Variants in SEPTIN8 observed in about 807,000 individuals in gnomAD.
SEPTIN8 encodes the protein septin 8.
Under a neutral mutation model 53.1 loss-of-function variants are expected in SEPTIN8, and 22 were observed. The observed-to-expected ratio is 0.41, with a 90% CI of 0.30 to 0.59. SEPTIN8 has a LOEUF of 0.59. Among genes scored for constraint, SEPTIN8 ranks in the 20% least tolerant of loss-of-function variants. SEPTIN8 has a pLI of 0.24. For missense variants in SEPTIN8, 536 were observed against 638.7 expected, an observed-to-expected ratio of 0.84 and a Z score of 1.73; for synonymous variants, 228 against 248.4, an observed-to-expected ratio of 0.92 and a Z score of 0.77.
At chr5:132,764,177 G>A (rs1453076143) in intron 3 of SEPTIN8, 47 bp downstream of exon 3, 3 of 1,565,340 alleles carry the variant, frequency 1.9e-6, no homozygotes, top group African/African-American at 1.4e-5. Flanking sequence ...GGCCAATGTA[G>A]GTGGGGTGGG....
At chr5:132,758,778 G>T in intron 9 of SEPTIN8, 1 of 1,614,080 alleles carries the variant, frequency 6.2e-7, no homozygotes, top group South Asian at 1.1e-5. Context: ...CTTAACACAT[G>T]AAAGTCTAAA....
Position 132,764,412 on chromosome 5 carries a change from G to T in SEPTIN8, c.159C>A (p.Thr53=). ...TCATCAGTGTGGATTTGCCAATGCCGGTCTCCCCTGGGCAGTGAGGACAGG... is the reference window on the plus strand; with the variant it reads ...TCATCAGTGTGGATTTGCCAATGCCTGTCTCCCCTGGGCAGTGAGGACAGG... ...FSFNILCVGE[T]GIGKSTLMNT... The change falls in exon 3 of 10, where the codon ACC becomes ACA. Residue 53 remains threonine, a synonymous_variant. Coordinates refer to ENST00000378719, the MANE Select transcript of SEPTIN8 (RefSeq NM_001098811.2). 6.2e-7 allele frequency: 1 copy of T among 1,612,302 alleles called. No homozygotes were observed. Among genetic ancestry groups the T allele is most frequent in the South Asian group, 1.1e-5 (1 of 90,732 alleles).
At position 132,773,189 on chromosome 5, in the gene SEPTIN8, C is replaced by T. The variant is rs1041338076; in HGVS notation, c.30+3919G>A. On this transcript the variant is annotated intron_variant, in intron 1 of 9. Coordinates refer to ENST00000378719, the MANE Select transcript of SEPTIN8 (RefSeq NM_001098811.2). This position sits in a 1 kb window ranked among gnomAD's most constrained non-coding sequence, Gnocchi z 4.2. The stretch of plus-strand genomic sequence containing the variant: ...CAAGGGCATGGAGACCTTGGGAGGG[C>T]GTCTCCTCCCCAGGCAGATGTGTCT... Among the ~76,000 whole-genome samples, 2 of 152,188 alleles carry T rather than the reference C, an allele frequency of 1.3e-5. No homozygotes were observed. Among genetic ancestry groups the T allele is most frequent in the South Asian group, 2.1e-4 (1 of 4,824 alleles).
chr5:132,769,237 C>A (rs1756931758), intron 1 of SEPTIN8, among the ~76,000 whole-genome samples: 1 of 152,194 alleles, frequency 6.6e-6, no homozygotes, highest in East Asian at 1.9e-4. Flanking sequence ...AGCTAGGGAA[C>A]TAACCAGGGC....
At position 132,767,943 on chromosome 5, in the gene SEPTIN8, C is replaced by CCACACACACACACACA. The variant is rs57640097; in HGVS notation, c.31-2430_31-2415dup. Among the ~76,000 whole-genome samples the CCACACACACACACACA allele has an allele frequency of 1.0e-2, 1,277 of 127,946 alleles. 55 individuals carry two copies. Among genetic ancestry groups the CCACACACACACACACA allele is most frequent in the East Asian group, 0.081 (296 of 3,632 alleles). The allele number at this position is 127,946 out of a possible 152,430, so 83.9% of individuals were successfully genotyped here. A position where few individuals can be genotyped will look rare whatever the true frequency, so the allele number is the denominator to read the frequency against. ...CCACCAAGTCAGCTGTGTCTGGAAA[C>CCACACACACACACACA]CACACACACACACACACACACACAC... On this transcript the variant is annotated intron_variant, in intron 1 of 9. Transcript: ENST00000378719.
chr5:132,757,062 A>G (rs1329850063), intron 9 of SEPTIN8: 4 of 985,202 alleles, frequency 4.1e-6, no homozygotes, highest in Non-Finnish European at 4.8e-6. Context: ...CTTTTTAGAT[A>G]CCCTCACTGA....
At chr5:132,757,898 C>T (rs1392759977) in intron 9 of SEPTIN8, 4 of 985,558 alleles carry the variant, frequency 4.1e-6, no homozygotes, top group Non-Finnish European at 4.8e-6. Flanking sequence ...GAAGCAATGA[C>T]TTTGAGGTAA....
Position 132,761,799 on chromosome 5 carries a change from C to A in SEPTIN8, c.793+1G>T. 6.2e-7 allele frequency: 1 copy of A among 1,607,348 alleles called. No homozygotes were observed. The highest frequency in any genetic ancestry group is 8.5e-7 in the Non-Finnish European group (1 of 1,176,880). On this transcript the variant is annotated splice_donor_variant, in intron 6 of 9. Transcript: ENST00000378719. LOFTEE classifies it high-confidence loss of function. The surrounding 1 kb of genome is among the most constrained non-coding windows in gnomAD (Gnocchi z 5.8). ...AGGATGCATTTCCTGTCCACACTCA[C>A]CCTGCACCACTCCCCAGGGGTACTG...
intron 4 of SEPTIN8, among the ~76,000 whole-genome samples, chr5:132,762,985 G>C (rs1561753340): frequency 6.6e-6 from 1 of 152,150 alleles, no homozygotes; most frequent in Non-Finnish European, 1.5e-5. Flanking sequence ...AGGAGTGGTG[G>C]GGGGGCTATG....
Position 132,761,713 on chromosome 5 carries a change from G to A in SEPTIN8, c.793+87C>T. 1.3e-6 allele frequency: 2 copies of A among 1,588,002 alleles called. No homozygotes were observed. Among genetic ancestry groups the A allele is most frequent in the Non-Finnish European group, 1.7e-6 (2 of 1,164,088 alleles). On this transcript the variant is annotated intron_variant, in intron 6 of 9. Coordinates refer to ENST00000378719, the MANE Select transcript of SEPTIN8 (RefSeq NM_001098811.2). The surrounding 1 kb of genome is among the most constrained non-coding windows in gnomAD (Gnocchi z 5.8). Reference sequence around the variant, plus strand: ...GGGTAGGCACGCAGGTGGGCATGAGGAGGAAACAGCACAGGGTACTACAGG... The same window carrying A: ...GGGTAGGCACGCAGGTGGGCATGAGAAGGAAACAGCACAGGGTACTACAGG...
chr5:132,760,765 G>A lies in SEPTIN8; in HGVS notation c.1286+37C>T. The A allele has an allele frequency of 6.3e-7, 1 of 1,588,268 alleles. No individual in the cohort carries two copies. The highest frequency in any genetic ancestry group is 1.1e-5 in the South Asian group (1 of 89,060). ...AGAACGAAAGCAAGAGCCCACAGGA[G>A]CAAGAGGAGCCAGCGCAGGCGCAGC... On this transcript the variant is annotated intron_variant, in intron 9 of 9. Coordinates refer to ENST00000378719, the MANE Select transcript of SEPTIN8 (RefSeq NM_001098811.2). The surrounding 1 kb of genome is among the most constrained non-coding windows in gnomAD (Gnocchi z 5.2).
At chr5:132,762,675 C>T in intron 4 of SEPTIN8, 30 bp from the exon 5 acceptor site, 1 of 1,613,138 alleles carries the variant, frequency 6.2e-7, no homozygotes, top group Non-Finnish European at 8.5e-7. Flanking sequence ...GGACAGCAGG[C>T]TGGTTGGCTC....
At chr5:132,766,326 C>T (rs1046522612) in intron 1 of SEPTIN8, among the ~76,000 whole-genome samples, 1 of 150,050 alleles carries the variant, frequency 6.7e-6, no homozygotes, top group Non-Finnish European at 1.5e-5. Flanking sequence ...CAGAAGGTTC[C>T]GGGTAAGAAT....
Position 132,758,973 on chromosome 5 carries a change from C to T in SEPTIN8, c.1286+1829G>A, listed in dbSNP as rs755684186. The T allele has an allele frequency of 3.7e-6, 3 of 810,320 alleles. No individual in the cohort carries two copies. The Admixed American group carries it at 5.8e-5, about 16-fold the overall frequency. The allele number at this position is 810,320 out of a possible 1,614,324, so 50.2% of individuals were successfully genotyped here. On this transcript the variant is annotated intron_variant, in intron 9 of 9. Coordinates refer to ENST00000378719, the MANE Select transcript of SEPTIN8 (RefSeq NM_001098811.2). Reference sequence around the variant, plus strand: ...GTGACGAGCAAAGCAGAGAATTCACCTCAGTTTGTGGTGTCCCAGGCTAAG... The same window carrying T: ...GTGACGAGCAAAGCAGAGAATTCACTTCAGTTTGTGGTGTCCCAGGCTAAG...
At position 132,761,386 on chromosome 5, in the gene SEPTIN8, A is replaced by G. The variant is rs968715969; in HGVS notation, c.962+72T>C. 1.9e-6 allele frequency: 3 copies of G among 1,585,998 alleles called. No individual in the cohort carries two copies. Among genetic ancestry groups the G allele is most frequent in the Non-Finnish European group, 1.7e-6 (2 of 1,168,518 alleles). ...GGGGTAAGAGGATGTGGGGTCCCTC[A>G]GGGAACAGATGCCAGGGTGGTGTGT... On this transcript the variant is annotated intron_variant, in intron 7 of 9. Transcript: ENST00000378719. The surrounding 1 kb of genome is among the most constrained non-coding windows in gnomAD (Gnocchi z 5.8).
chr5:132,774,630 T>C (rs574675238), intron 1 of SEPTIN8, among the ~76,000 whole-genome samples: 94 of 152,298 alleles, frequency 6.2e-4, no homozygotes, highest in Middle Eastern at 3.4e-3. Flanking sequence ...CACCATGCTA[T>C]GTGAGGACAC....
At chr5:132,766,765 G>A (rs1356392110) in intron 1 of SEPTIN8, among the ~76,000 whole-genome samples, 3 of 151,204 alleles carry the variant, frequency 2.0e-5, no homozygotes, top group Non-Finnish European at 4.5e-5. Flanking sequence ...ATACAGGCTC[G>A]GGGTCAGGAA....
chr5:132,778,757 T>C (rs1757977007), upstream of SEPTIN8, among the ~76,000 whole-genome samples: 1 of 152,222 alleles, frequency 6.6e-6, no homozygotes, highest in African/African-American at 2.4e-5. Context: ...TAAAGGGCTT[T>C]AAGTTGTACT....
At chr5:132,757,886 A>G (rs916312008) in intron 9 of SEPTIN8, 8 of 985,656 alleles carry the variant, frequency 8.1e-6, no homozygotes, top group Non-Finnish European at 9.6e-6. Flanking sequence ...CCAGCCAGGA[A>G]AGAAGCAATG....
Sources: gnomAD v4.1 joint callset for allele counts (sites outside exome capture counted in the v4.1 genomes callset) on GRCh38, gnomAD v4.1.1 for gene constraint, Gnocchi (gnomAD v3.1) non-coding constraint, MANE v1.5 for transcripts, NCBI Gene and HGNC (gene_info 2026-07-23, HGNC 2026-07-21) for gene names.